PLCD4: variants seen among roughly 807,000 people sequenced by gnomAD.
PLCD4 encodes the protein 1-phosphatidylinositol 4,5-bisphosphate phosphodiesterase delta-4.
Under a neutral mutation model 90.2 loss-of-function variants are expected in PLCD4, and 63 were observed. The ratio of observed to expected loss-of-function variants is 0.70; its 90% confidence interval spans 0.57 to 0.86. PLCD4 has a LOEUF of 0.86. Ranked by LOEUF, PLCD4 falls within the 40% of genes least tolerant of loss-of-function variation. The pLI, the probability that PLCD4 is intolerant of heterozygous loss-of-function variation, is 0.00. For missense variants in PLCD4, 830 were observed against 956.3 expected (o/e 0.87, Z 1.74); for synonymous variants, 294 against 356.5 (o/e 0.82, Z 1.97).
chr2:218,611,660 G>T (rs1023200617), intron 1 of PLCD4, among the ~76,000 whole-genome samples: 2 of 152,122 alleles, frequency 1.3e-5, no homozygotes, highest in Non-Finnish European at 2.9e-5. Context: ...GTGTAATGGT[G>T]CAATCTCGGC....
chr2:218,608,994 C>T (rs1042943208), intron 1 of PLCD4, among the ~76,000 whole-genome samples: 8 of 151,824 alleles, frequency 5.3e-5, no homozygotes, highest in African/African-American at 1.2e-4. Flanking sequence ...AAAAATTAGC[C>T]GGGCGAGGTG....
intron 10 of PLCD4, among the ~76,000 whole-genome samples, chr2:218,632,525 G>A (rs1291639650): frequency 6.6e-6 from 1 of 152,038 alleles, no homozygotes; most frequent in Non-Finnish European, 1.5e-5. Context: ...ACTTCTTTGG[G>A]CCACATCTTT....
intron 3 of PLCD4, among the ~76,000 whole-genome samples, chr2:218,618,106 A>C (rs953640910): frequency 6.6e-6 from 1 of 151,998 alleles, no homozygotes; most frequent in Non-Finnish European, 1.5e-5. Context: ...ACAAACAAAC[A>C]AACAAACAAA....
At chr2:218,628,869 A>C (rs1404586140) in intron 7 of PLCD4, 2 of 153,560 alleles carry the variant, frequency 1.3e-5, no homozygotes, top group African/African-American at 4.8e-5. Flanking sequence ...CTGAGGAATT[A>C]AGGTGTAAAT....
Position 218,634,423 on chromosome 2 carries a change from T to A in PLCD4, c.1724-35T>A. On this transcript the variant is annotated intron_variant, in intron 12 of 15. Transcript: ENST00000450993. This position sits in a 1 kb window ranked among gnomAD's most constrained non-coding sequence, Gnocchi z 4.0. ...AAGAGGGGCTGGAAGGCCTCCATGG[T>A]GAATCTTGCTCTTCTTTTCTCCTGG... 1 of 1,598,916 alleles carries A rather than the reference T, an allele frequency of 6.3e-7. No homozygotes were observed. Among genetic ancestry groups the A allele is most frequent in the Non-Finnish European group, 8.5e-7 (1 of 1,172,210 alleles).
chr2:218,632,364 T>C, intron 10 of PLCD4, 52 bp downstream of exon 10: 2 of 1,529,354 alleles, frequency 1.3e-6, no homozygotes, highest in Admixed American at 2.1e-5. Context: ...TTATGCAAGC[T>C]GAAGGCCTGT....
chr2:218,619,014 G>C (rs1695756639), intron 4 of PLCD4: 2 of 580,878 alleles, frequency 3.4e-6, no homozygotes, highest in African/African-American at 3.7e-5. Flanking sequence ...AGCCAGGCAG[G>C]AATCAGGACC....
intron 1 of PLCD4, among the ~76,000 whole-genome samples, chr2:218,612,786 G>T (rs1033755405): frequency 6.6e-6 from 1 of 151,804 alleles, no homozygotes; most frequent in African/African-American, 2.4e-5. Flanking sequence ...CAAAAAAAAA[G>T]AAAGTCTTCT....
intron 1 of PLCD4, among the ~76,000 whole-genome samples, chr2:218,608,863 G>T (rs1170203271): frequency 6.6e-6 from 1 of 152,142 alleles, no homozygotes; most frequent in Non-Finnish European, 1.5e-5. Context: ...AACTGGCCGG[G>T]CGCGGTGGCT....
chr2:218,619,553 A>G (rs1394229815), intron 4 of PLCD4, among the ~76,000 whole-genome samples: 1 of 152,036 alleles, frequency 6.6e-6, no homozygotes, highest in Non-Finnish European at 1.5e-5. Context: ...TCAGCCTCCC[A>G]AAGTGCTGGG....
chr2:218,633,131 A>C (rs1696479726), intron 10 of PLCD4: 1 of 486,488 alleles, frequency 2.1e-6, no homozygotes, highest in Non-Finnish European at 3.6e-6. Flanking sequence ...GGACTCTCAC[A>C]TCCTTCCAGG....
At chr2:218,632,752 T>C (rs1284355850) in intron 10 of PLCD4, among the ~76,000 whole-genome samples, 4 of 152,110 alleles carry the variant, frequency 2.6e-5, no homozygotes, top group African/African-American at 9.7e-5. Context: ...GGAATGATTG[T>C]TGTGATCTCA....
intron 8 of PLCD4, among the ~76,000 whole-genome samples, chr2:218,630,127 G>A (rs1371462136): frequency 1.3e-5 from 2 of 152,158 alleles, no homozygotes; most frequent in Non-Finnish European, 2.9e-5. Context: ...GCAGTGAGCC[G>A]AGATCGCACC....
intron 7 of PLCD4, 115 bp downstream of exon 7, chr2:218,628,345 G>A (rs1696206660): frequency 1.9e-6 from 2 of 1,026,108 alleles, no homozygotes; most frequent in Non-Finnish European, 2.9e-6. Context: ...AGGGGCTGAG[G>A]AGCCCTGGAT....
rs374723132 is a variant in PLCD4 at position 218,633,709 on chromosome 2, C to G, written c.1554C>G (p.Tyr518Ter). 6.2e-7 allele frequency: 1 copy of G among 1,613,916 alleles called. No individual in the cohort carries two copies. Among genetic ancestry groups the G allele is most frequent in the Non-Finnish European group, 8.5e-7 (1 of 1,179,874 alleles). ...ATTCAAAGGAGCACTACCACTTCTA[C>G]GAGATATCATCTTTCTCTGAAACCA... ...FTHSKEHYHF[Y>*]EISSFSETKA... The change falls in exon 11 of 16, where the codon TAC becomes TAG. Residue 518 changes from tyrosine (Y) to a stop codon, truncating the protein, a stop_gained. Transcript: ENST00000450993. LOFTEE classifies it high-confidence loss of function.
chr2:218,617,875 A>G (rs940980442), intron 3 of PLCD4, among the ~76,000 whole-genome samples: 5 of 152,116 alleles, frequency 3.3e-5, no homozygotes, highest in African/African-American at 1.2e-4. Flanking sequence ...TCACGAGGTC[A>G]GGAGATTGAG....
intron 4 of PLCD4, among the ~76,000 whole-genome samples, chr2:218,620,183 A>G (rs922559134): frequency 6.6e-6 from 1 of 152,136 alleles, no homozygotes. Flanking sequence ...CCTGGCTCAT[A>G]AAGTAAACTT....
Position 218,634,734 on chromosome 2 carries a change from T to A in PLCD4, c.1896+104T>A. ...GGAATGTAGAGGCCGGATAGCCTAT[T>A]AACAGTGTCTAGTTTTAGCTTTTGG... On this transcript the variant is annotated intron_variant, in intron 13 of 15. Coordinates refer to ENST00000450993, the MANE Select transcript of PLCD4 (RefSeq NM_032726.4). The surrounding 1 kb of genome is among the most constrained non-coding windows in gnomAD (Gnocchi z 4.0). 7.6e-7 allele frequency: 1 copy of A among 1,318,460 alleles called. No homozygotes were observed. Among genetic ancestry groups the A allele is most frequent in the Non-Finnish European group, 1.0e-6 (1 of 955,522 alleles). 81.7% of individuals were successfully genotyped at this position (1,318,460 alleles called of 1,614,324 possible). A position where few individuals can be genotyped will look rare whatever the true frequency, so the allele number is the denominator to read the frequency against.
rs775706797 is a variant in PLCD4 at position 218,630,795 on chromosome 2, C to T, written c.1265C>T (p.Ser422Leu). 78 of 1,611,982 alleles carry T rather than the reference C, an allele frequency of 4.8e-5. No homozygotes were observed. The highest frequency in any genetic ancestry group is 6.4e-5 in the Non-Finnish European group (75 of 1,178,940). The change falls in exon 9 of 16, where the codon TCG becomes TTG. Residue 422 changes from serine to leucine, a missense_variant. By Grantham distance (145) the Ser-to-Leu change is moderately radical (BLOSUM62 -2). Coordinates refer to ENST00000450993, the MANE Select transcript of PLCD4 (RefSeq NM_032726.4). The part of the protein sequence containing the change: ...LDGVLPTQLP[S>L]PEELRRKILV... ...GGGGTGCTGCCCACTCAGCTGCCCT[C>T]GCCTGAGGTAGGGACACTGTTCCTC...
Sources: gnomAD v4.1 joint callset for allele counts (sites outside exome capture counted in the v4.1 genomes callset) on GRCh38, gnomAD v4.1.1 for gene constraint, Gnocchi (gnomAD v3.1) non-coding constraint, MANE v1.5 for transcripts, NCBI Gene and HGNC (gene_info 2026-07-23, HGNC 2026-07-21) for gene names.